BICDL2: variants seen among roughly 807,000 people sequenced by gnomAD.
BICDL2 encodes BICD family-like cargo adapter 2.
A neutral mutation model predicts 56.6 loss-of-function variants in BICDL2; 62 were observed. The ratio of observed to expected loss-of-function variants is 1.10; its 90% CI spans 0.89 to 1.35. The LOEUF is 1.35. Among genes scored for constraint, BICDL2 ranks in the 40% most tolerant of loss-of-function variants. The pLI is 0.00. For synonymous variants in BICDL2, 358 were observed against 319.8 expected, an observed-to-expected ratio of 1.12 and a Z score of -1.27; for missense variants, 808 against 684.5, an observed-to-expected ratio of 1.18 and a Z score of -2.01.
At position 3,035,430 on chromosome 16, in the gene BICDL2, C is replaced by T. The variant is rs898129508; in HGVS notation, c.67G>A (p.Asp23Asn). Residue 23 changes from aspartate (D) to asparagine (N), a missense_variant, in exon 2 of 10, where the codon GAC becomes AAC. Transcript: ENST00000572449. ...PLSGGASPSG[D>N]EGFFPFVLER... ...AGCACAAAGGGGAAGAAGCCCTCGT[C>T]GCCGCTGGGAGAGGCGCCCCCTGAG... 6.2e-6 allele frequency: 10 copies of T among 1,612,502 alleles called. No individual in the cohort carries two copies. The highest frequency in any genetic ancestry group is 8.5e-6 in the Non-Finnish European group (10 of 1,179,850).
At position 3,035,370 on chromosome 16, in the gene BICDL2, C is replaced by G. The variant is rs1237866085; in HGVS notation, c.127G>C (p.Gly43Arg). The G allele has an allele frequency of 1.2e-6, 2 of 1,606,794 alleles. No individual in the cohort carries two copies. The highest frequency in any genetic ancestry group is 8.5e-7 in the Non-Finnish European group (1 of 1,177,542). The part of the protein sequence containing the change: ...RRDSFLGGGP[G>R]PEEPEDLALQ... ...GCTAGGTCCTCGGGCTCCTCAGGCC[C>G]TGGGCCCCCTCCCAGGAATGAGTCC... Residue 43 changes from glycine to arginine, a missense_variant, in exon 2 of 10, where the codon GGG (glycine) becomes CGG (arginine). Gly to Arg is a moderately radical substitution (Grantham distance 125). Coordinates refer to ENST00000572449, the MANE Select transcript of BICDL2 (RefSeq NM_001369667.1).
In BICDL2 at chr16:3,030,980, G is replaced by T. The variant is rs758642356; in HGVS notation, c.453C>A (p.Ser151Arg). 4 of 1,553,368 alleles carry T rather than the reference G, an allele frequency of 2.6e-6. No homozygotes were observed. In the South Asian group the frequency reaches 4.7e-5, roughly 18 times the overall value. ...GCCGGAGGTTCTGCTCGCTGAGCTC[G>T]CTGAGGGCCCGTGCCCGTTCTCGCC... ...DSGRERARAL[S>R]ELSEQNLRLS... The change falls in exon 3 of 10, where the codon AGC becomes AGA. Residue 151 changes from serine to arginine, a missense_variant. Coordinates refer to ENST00000572449, the MANE Select transcript of BICDL2 (RefSeq NM_001369667.1).
chr16:3,029,934 T>C (rs1955628456), intron 5 of BICDL2, 195 bp from the exon 6 acceptor site: 3 of 553,776 alleles, frequency 5.4e-6, no homozygotes, highest in African/African-American at 2.0e-5. Context: ...TCCTCGCCTA[T>C]AGAGCAGGGC....
At chr16:3,035,894 G>C (rs1199161140) in intron 1 of BICDL2, 2 of 296,138 alleles carry the variant, frequency 6.8e-6, no homozygotes, top group East Asian at 1.8e-4. Context: ...CCAGAACCCA[G>C]GTTCTCAGGG....
chr16:3,036,773 C>A, intron 1 of BICDL2, 121 bp downstream of exon 1: 1 of 357,938 alleles, frequency 2.8e-6, no homozygotes, highest in South Asian at 2.0e-5. Flanking sequence ...GCCCCCGGTT[C>A]CCCGGCGATC....
At chr16:3,036,143 C>A in intron 1 of BICDL2, 1 of 403,860 alleles carries the variant, frequency 2.5e-6, no homozygotes, top group Non-Finnish European at 4.8e-6. Flanking sequence ...ACCAAGGATT[C>A]CCACCCCAGT....
chr16:3,028,663 A>G (rs1295034818), intron 8 of BICDL2, 37 bp downstream of exon 8: 10 of 1,555,152 alleles, frequency 6.4e-6, no homozygotes, highest in Middle Eastern at 1.7e-4. Context: ...GAGGGCCCAG[A>G]GGGCGCTGGG....
chr16:3,035,177 G>GGGC, intron 2 of BICDL2, 38 bp downstream of exon 2: 17 of 118,812 alleles, frequency 1.4e-4, no homozygotes, highest in East Asian at 3.3e-4. Flanking sequence ...GTCCTCCCCT[G>GGGC]CCCACCCACC....
At position 3,028,165 on chromosome 16, in the gene BICDL2, G is replaced by T. The variant is rs781225691; in HGVS notation, c.1468C>A (p.Leu490Met). The stretch of plus-strand genomic sequence containing the variant: ...CCGGCGGGCCCGGGGCCCAGGCGCA[G>T]CGAGAAGCGGGGCGCGGCACGGCGC... Reference protein sequence around the residue: ...TPRRAAPRFSLRLGPGPAGGF... With the variant: ...TPRRAAPRFSMRLGPGPAGGF... The change falls in exon 10 of 10, where the codon CTG becomes ATG. Residue 490 changes from leucine to methionine, a missense_variant. Leu to Met is a conservative substitution (Grantham distance 15). Coordinates refer to ENST00000572449, the MANE Select transcript of BICDL2 (RefSeq NM_001369667.1). 5 of 1,448,848 alleles carry T rather than the reference G, an allele frequency of 3.5e-6. No individual in the cohort carries two copies. Among genetic ancestry groups the T allele is most frequent in the Non-Finnish European group, 4.5e-6 (5 of 1,109,574 alleles). The allele number at this position is 1,448,848 out of a possible 1,614,324, so 89.7% of individuals were successfully genotyped here. A position where few individuals can be genotyped will look rare whatever the true frequency, so the allele number is the denominator to read the frequency against.
At chr16:3,031,423 C>T (rs951344396) in intron 2 of BICDL2, 12 of 537,578 alleles carry the variant, frequency 2.2e-5, no homozygotes, top group East Asian at 1.2e-4. Context: ...CAGCTGCTGC[C>T]GGGGCTTCTG....
chr16:3,031,287 C>G, intron 2 of BICDL2, 137 bp from the exon 3 acceptor site: 1 of 715,374 alleles, frequency 1.4e-6, no homozygotes, highest in African/African-American at 1.8e-5. Context: ...GACACAAAAG[C>G]AAGGGAGAGT....
rs147737708 is a variant in BICDL2 at position 3,031,622 on chromosome 16, T to C, written c.283-472A>G. 6.4e-5 allele frequency: 26 copies of C among 403,492 alleles called. No homozygotes were observed. In the East Asian group the frequency reaches 8.9e-4, roughly 14 times the overall value. The allele number at this position is 403,492 out of a possible 1,614,324, so 25.0% of individuals were successfully genotyped here. A position where few individuals can be genotyped will look rare whatever the true frequency, so the allele number is the denominator to read the frequency against. On this transcript the variant is annotated intron_variant, in intron 2 of 9. Transcript: ENST00000572449. ...TCAGCCCCGCCCTGGCCCAAAAACC[T>C]GTCTGACCAGCGGGGGAATGCCCTG...
At chr16:3,035,052 G>T (rs1955710243) in intron 2 of BICDL2, 163 bp downstream of exon 2, 5 of 676,100 alleles carry the variant, frequency 7.4e-6, no homozygotes, top group Middle Eastern at 4.1e-4. Context: ...ACTGCCAGGG[G>T]GACTGGGCCC....
At chr16:3,035,176 T>TCCCCC in intron 2 of BICDL2, 39 bp downstream of exon 2, 2 of 136,274 alleles carry the variant, frequency 1.5e-5, no homozygotes, top group South Asian at 2.0e-4. Context: ...CGTCCTCCCC[T>TCCCCC]GCCCACCCAC....
At chr16:3,033,163 G>A (rs148956003) in intron 2 of BICDL2, among the ~76,000 whole-genome samples, 5,426 of 152,164 alleles carry the variant, frequency 0.036, 154 homozygotes, top group Non-Finnish European at 0.054. Flanking sequence ...AAATTAGCTG[G>A]GCTTGGTGGC....
intron 7 of BICDL2, 134 bp downstream of exon 7, chr16:3,029,146 T>G: frequency 3.5e-6 from 4 of 1,143,864 alleles, no homozygotes; most frequent in Non-Finnish European, 4.9e-6. Context: ...GGCTGGCTCT[T>G]GAAGTAAGTT....
At chr16:3,031,776 C>T (rs1220124993) in intron 2 of BICDL2, 3 of 378,066 alleles carry the variant, frequency 7.9e-6, no homozygotes, top group Admixed American at 4.5e-5. Context: ...TGCAGCGACT[C>T]GCAGGTACCC....
At chr16:3,034,066 T>C (rs1457823634) in intron 2 of BICDL2, among the ~76,000 whole-genome samples, 1 of 151,954 alleles carries the variant, frequency 6.6e-6, no homozygotes, top group Non-Finnish European at 1.5e-5. Flanking sequence ...GGGCCAAAAA[T>C]AGAACCTGGG....
chr16:3,035,701 G>C, intron 1 of BICDL2, 175 bp from the exon 2 acceptor site: 1 of 598,136 alleles, frequency 1.7e-6, no homozygotes, highest in Non-Finnish European at 2.9e-6. Flanking sequence ...TGTCCCTGGG[G>C]TAAACTGAGG....
Sources: allele counts gnomAD v4.1 joint callset (sites outside exome capture counted in the v4.1 genomes callset), GRCh38; gene constraint gnomAD v4.1.1; transcripts MANE v1.5; gene names NCBI Gene and HGNC (gene_info 2026-07-23, HGNC 2026-07-21).